ENKUR: variants seen among roughly 807,000 people sequenced by gnomAD.
ENKUR encodes the protein enkurin, TRPC channel interacting protein.
ENKUR carries 19 observed loss-of-function variants against 27.6 expected under a neutral mutation model. That is an observed-to-expected ratio of 0.69 (90% CI 0.48 to 1.01). The LOEUF (loss-of-function observed/expected upper bound fraction) is 1.01. Among genes scored for constraint, ENKUR ranks in the 50% least tolerant of loss-of-function variants. The pLI is 0.00. For synonymous variants in ENKUR, 117 were observed against 96.9 expected (o/e 1.21, Z -1.22); for missense variants, 312 against 310.5 (o/e 1.00, Z -0.04).
At chr10:25,028,885 C>T (rs748781754) in intron 2 of ENKUR, among the ~76,000 whole-genome samples, 1 of 152,138 alleles carries the variant, frequency 6.6e-6, no homozygotes, top group Non-Finnish European at 1.5e-5. Context: ...TCTCATAGTT[C>T]TGCATTGTTT....
chr10:24,991,727 G>C (rs1392000747), intron 3 of ENKUR, among the ~76,000 whole-genome samples: 1 of 152,198 alleles, frequency 6.6e-6, no homozygotes, highest in East Asian at 1.9e-4. Flanking sequence ...AATTCTTCAA[G>C]TATACCAAGG....
At chr10:25,008,572 T>C (rs1850367494) in intron 1 of ENKUR, among the ~76,000 whole-genome samples, 1 of 152,202 alleles carries the variant, frequency 6.6e-6, no homozygotes, top group Non-Finnish European at 1.5e-5. Context: ...AATGAAACAC[T>C]GATTATGTGT....
upstream of ENKUR, among the ~76,000 whole-genome samples, chr10:25,018,613 C>T (rs1850656303): frequency 1.0e-4 from 15 of 150,618 alleles, 1 homozygote; most frequent in South Asian, 3.2e-3. Flanking sequence ...TCCTAGATCC[C>T]CGTATATAAT....
At chr10:25,025,428 A>G (rs1176408541) in intron 2 of ENKUR, 1 of 1,607,974 alleles carries the variant, frequency 6.2e-7, no homozygotes, top group Non-Finnish European at 8.5e-7. Context: ...GTCATGTGGA[A>G]CAACTTGTCC....
Position 24,995,823 on chromosome 10 carries a change from C to G in ENKUR, c.270G>C (p.Leu90Phe), listed in dbSNP as rs1850039377. 6.2e-7 allele frequency: 1 copy of G among 1,613,436 alleles called. No individual in the cohort carries two copies. Among genetic ancestry groups the G allele is most frequent in the East Asian group, 2.2e-5 (1 of 44,860 alleles). ...TTCCCATGACAGGATGATCAGTCTT[C>G]AATGGCACAGCAGGCTTTTTGGGCA... ...RNVPKKPAVP[L>F]KTDHPVMGIQ... The change falls in exon 3 of 6, where the codon TTG becomes TTC. Residue 90 changes from leucine (L) to phenylalanine (F), a missense_variant. Transcript: ENST00000331161.
chr10:25,020,575 T>C (rs1850700025), upstream of ENKUR, among the ~76,000 whole-genome samples: 2 of 152,000 alleles, frequency 1.3e-5, no homozygotes, highest in African/African-American at 4.8e-5. Flanking sequence ...GAGATCAGTC[T>C]GGGCAACATG....
In ENKUR at chr10:24,994,703, T is replaced by C. The variant is rs1437450316; in HGVS notation, c.447+943A>G. Among the ~76,000 whole-genome samples, 4 of 152,152 alleles carry C rather than the reference T, an allele frequency of 2.6e-5. No individual in the cohort carries two copies. The East Asian group carries it at 7.7e-4, about 29-fold the overall frequency. On this transcript the variant is annotated intron_variant, in intron 3 of 5. Transcript: ENST00000331161. ...CAAAATAAAGTAGCATTAAATAAGA[T>C]TTTTTGTAAGCTTTTTTATTTTAAA...
intron 2 of ENKUR, among the ~76,000 whole-genome samples, chr10:24,996,551 C>CAA: frequency 6.6e-6 from 1 of 152,010 alleles, no homozygotes; most frequent in Non-Finnish European, 1.5e-5. Flanking sequence ...TGATCATTCC[C>CAA]ATTGATCTAT....
chr10:25,060,653 G>C (rs1399021505), intron 2 of ENKUR, among the ~76,000 whole-genome samples: 3 of 152,218 alleles, frequency 2.0e-5, no homozygotes, highest in Non-Finnish European at 4.4e-5. Context: ...ACTTCACTCT[G>C]TTGGCAGGGT....
At chr10:25,043,331 A>G (rs1851085366) in intron 2 of ENKUR, among the ~76,000 whole-genome samples, 1 of 152,192 alleles carries the variant, frequency 6.6e-6, no homozygotes, top group Non-Finnish European at 1.5e-5. Context: ...ATTGTTAGTT[A>G]TGCATGTTTT....
At chr10:25,012,085 G>T (rs757192109) in intron 1 of ENKUR, among the ~76,000 whole-genome samples, 3 of 152,264 alleles carry the variant, frequency 2.0e-5, no homozygotes, top group Non-Finnish European at 2.9e-5. Context: ...TTGCTTCAGA[G>T]GGTGCGAGCC....
chr10:25,033,525 C>A (rs767539893), intron 2 of ENKUR, among the ~76,000 whole-genome samples: 1 of 151,442 alleles, frequency 6.6e-6, no homozygotes, highest in Non-Finnish European at 1.5e-5. Flanking sequence ...TAGGGAAACT[C>A]ATTTCAACTT....
chr10:25,016,040 C>T lies in ENKUR; in HGVS notation c.-104G>A, dbSNP rs1364781450. ...TGCTTCCCCTTTCTTTCTTCTTCGC[C>T]TTCTGAAGGACCACAGGTTCTCTCC... On this transcript the variant is annotated 5_prime_UTR_variant, in exon 1 of 6. Transcript: ENST00000331161. 7 of 1,483,042 alleles carry T rather than the reference C, an allele frequency of 4.7e-6. No homozygotes were observed. The highest frequency in any genetic ancestry group is 1.8e-4 in the Middle Eastern group (1 of 5,526). The allele number at this position is 1,483,042 out of a possible 1,614,324, so 91.9% of individuals were successfully genotyped here. A position where few individuals can be genotyped will look rare whatever the true frequency, so the allele number is the denominator to read the frequency against.
chr10:25,006,683 G>C lies in ENKUR; in HGVS notation c.78-7137C>G, dbSNP rs76044238. ...TTAGAACAAGGTTGTGTATAAACAC[G>C]AAATAGTATCTGATATATAATAAAT... On this transcript the variant is annotated intron_variant, in intron 1 of 5. Transcript: ENST00000331161. Among the ~76,000 whole-genome samples the C allele has an allele frequency of 8.7e-3, 1,320 of 152,202 alleles. 19 individuals carry two copies. The highest frequency in any genetic ancestry group is 0.029 in the African/African-American group (1,221 of 41,528).
chr10:25,060,501 T>A (rs1021426622), intron 2 of ENKUR, among the ~76,000 whole-genome samples: 3 of 152,188 alleles, frequency 2.0e-5, no homozygotes, highest in Non-Finnish European at 4.4e-5. Context: ...AAGAAGTACA[T>A]TATCCTCTCC....
At chr10:24,992,428 T>C (rs1289289032) in intron 3 of ENKUR, among the ~76,000 whole-genome samples, 4 of 152,164 alleles carry the variant, frequency 2.6e-5, no homozygotes, top group Non-Finnish European at 5.9e-5. Flanking sequence ...CTGTTCTCCT[T>C]CTAGACACTT....
intron 2 of ENKUR, among the ~76,000 whole-genome samples, chr10:25,043,655 G>A (rs920662147): frequency 1.2e-4 from 18 of 152,032 alleles, no homozygotes; most frequent in African/African-American, 4.3e-4. Context: ...AGGTTTTTCA[G>A]ACACTATTTT....
intron 2 of ENKUR, among the ~76,000 whole-genome samples, chr10:25,060,334 C>G (rs747699118): frequency 6.6e-6 from 1 of 152,164 alleles, no homozygotes; most frequent in Non-Finnish European, 1.5e-5. Context: ...AACACACACT[C>G]CAACAGGGAG....
rs777847323 is a variant in ENKUR at position 25,015,909 on chromosome 10, T to C, written c.28A>G (p.Ile10Val). 1.4e-5 allele frequency: 22 copies of C among 1,608,406 alleles called. No homozygotes were observed. The highest frequency in any genetic ancestry group is 3.3e-4 in the Middle Eastern group (2 of 6,082). Reference sequence around the variant, plus strand: ...AAGTCACTGGGTATGAGGTTATAAATGCACTCAGAAGAGCACGTTGGATCC... The same window carrying C: ...AAGTCACTGGGTATGAGGTTATAAACGCACTCAGAAGAGCACGTTGGATCC... MDPTCSSEC[I>V]YNLIPSDLKE... is the part of the protein sequence containing the mutation. The change falls in exon 1 of 6, where the codon ATT (isoleucine) becomes GTT (valine). Residue 10 changes from isoleucine (I) to valine (V), a missense_variant. By Grantham distance (29) the Ile-to-Val change is conservative (BLOSUM62 3). Coordinates refer to ENST00000331161, the MANE Select transcript of ENKUR (RefSeq NM_145010.4).
Sources: gnomAD v4.1 joint callset for allele counts (sites outside exome capture counted in the v4.1 genomes callset) on GRCh38, gnomAD v4.1.1 for gene constraint, MANE v1.5 for transcripts, NCBI Gene and HGNC (gene_info 2026-07-23, HGNC 2026-07-21) for gene names.